Variants in AUTS2 observed in about 807,000 individuals in gnomAD.
The protein encoded by AUTS2 is autism susceptibility gene 2 protein.
AUTS2 carries 17 observed loss-of-function variants against 112.4 expected under a neutral mutation model. That is an observed-to-expected ratio of 0.15 (90% CI 0.10 to 0.23). The LOEUF (loss-of-function observed/expected upper bound fraction) is 0.23. Ranked by LOEUF, AUTS2 falls within the 10% of genes least tolerant of loss-of-function variation. The probability of loss-of-function intolerance (pLI) is 1.00; values close to 1 mark genes in which losing one functional copy is unlikely to be tolerated. For synonymous variants in AUTS2, 751 were observed against 702.7 expected, an observed-to-expected ratio of 1.07 and a Z score of -1.09; for missense variants, 1,510 against 1,701.6, an observed-to-expected ratio of 0.89 and a Z score of 1.98.
intron 4 of AUTS2, among the ~76,000 whole-genome samples, chr7:70,192,660 T>C (rs905178924): frequency 1.3e-5 from 2 of 152,210 alleles, no homozygotes; most frequent in Admixed American, 6.5e-5. Context: ...TTAGCCTGTG[T>C]AAACTCTCAC....
chr7:69,959,890 A>G (rs550459702), intron 2 of AUTS2, among the ~76,000 whole-genome samples: 181 of 152,120 alleles, frequency 1.2e-3, no homozygotes, highest in Non-Finnish European at 1.9e-3. Context: ...TAACTGAGCT[A>G]GAGAATATAT....
intron 6 of AUTS2, among the ~76,000 whole-genome samples, chr7:70,713,410 G>C (rs1207413213): frequency 6.6e-6 from 1 of 152,124 alleles, no homozygotes; most frequent in African/African-American, 2.4e-5. Flanking sequence ...GAGTTTTAAG[G>C]CCATAAAATT....
chr7:70,160,365 C>G (rs1359412364), intron 4 of AUTS2, among the ~76,000 whole-genome samples: 3 of 152,164 alleles, frequency 2.0e-5, no homozygotes, highest in African/African-American at 7.2e-5. Flanking sequence ...CAACGTAAAT[C>G]TTTCTGCTCA....
At chr7:70,156,776 G>A (rs1014101632) in intron 4 of AUTS2, among the ~76,000 whole-genome samples, 1 of 151,368 alleles carries the variant, frequency 6.6e-6, no homozygotes, top group Non-Finnish European at 1.5e-5. Context: ...AAGGCCTGGC[G>A]TGGTGGCTCA....
chr7:70,774,778 A>G (rs1027864166), intron 12 of AUTS2: 2 of 152,790 alleles, frequency 1.3e-5, no homozygotes, highest in Admixed American at 1.3e-4. Flanking sequence ...TTTTACCTAC[A>G]TAAGGGCAGT....
intron 1 of AUTS2, among the ~76,000 whole-genome samples, chr7:69,645,782 A>T (rs1319845110): frequency 6.6e-6 from 1 of 151,798 alleles, no homozygotes; most frequent in East Asian, 1.9e-4. Context: ...AGAGACTTCC[A>T]GTCTGGGGCT....
chr7:70,451,577 T>A (rs1232685142), intron 5 of AUTS2, among the ~76,000 whole-genome samples: 1 of 152,166 alleles, frequency 6.6e-6, no homozygotes, highest in Non-Finnish European at 1.5e-5. Flanking sequence ...ACCTATGTAG[T>A]TTTTTTATGC....
chr7:70,617,435 G>T (rs1184064539), intron 5 of AUTS2, among the ~76,000 whole-genome samples: 1 of 152,130 alleles, frequency 6.6e-6, no homozygotes, highest in Non-Finnish European at 1.5e-5. Flanking sequence ...GGCCGAGGTG[G>T]GCGGATCATG....
chr7:69,659,372 T>G (rs1179301781), intron 1 of AUTS2, among the ~76,000 whole-genome samples: 1 of 152,082 alleles, frequency 6.6e-6, no homozygotes, highest in Non-Finnish European at 1.5e-5. Flanking sequence ...GTGGAATCTT[T>G]TAGGAGAGTG....
At chr7:70,086,152 G>A (rs548899934) in intron 2 of AUTS2, among the ~76,000 whole-genome samples, 4 of 152,048 alleles carry the variant, frequency 2.6e-5, no homozygotes, top group Non-Finnish European at 5.9e-5. Context: ...TTGGCCCTTT[G>A]CATTTGTGTA....
At chr7:70,685,835 C>T (rs1808449191) in intron 5 of AUTS2, among the ~76,000 whole-genome samples, 1 of 152,234 alleles carries the variant, frequency 6.6e-6, no homozygotes, top group Non-Finnish European at 1.5e-5. Context: ...TTGTTTCTAA[C>T]ATTGCCACTT....
chr7:69,690,843 A>G (rs1319699357), intron 1 of AUTS2, among the ~76,000 whole-genome samples: 1 of 152,166 alleles, frequency 6.6e-6, no homozygotes, highest in Non-Finnish European at 1.5e-5. Flanking sequence ...TTTGTCCTGC[A>G]TCCAGGAAGA....
chr7:70,756,160 A>G (rs1035052036), intron 6 of AUTS2, among the ~76,000 whole-genome samples: 3 of 152,204 alleles, frequency 2.0e-5, no homozygotes, highest in Non-Finnish European at 2.9e-5. Context: ...CACTATTGAG[A>G]TCACACTGAT....
chr7:70,303,156 C>T (rs1789301482), intron 4 of AUTS2, among the ~76,000 whole-genome samples: 1 of 152,020 alleles, frequency 6.6e-6, no homozygotes, highest in Admixed American at 6.6e-5. Flanking sequence ...GACCCTGTAA[C>T]ACTTGTGCCT....
chr7:69,757,584 T>C (rs75350303), intron 1 of AUTS2, among the ~76,000 whole-genome samples: 1 of 152,338 alleles, frequency 6.6e-6, no homozygotes, highest in African/African-American at 2.4e-5. Flanking sequence ...TTTGCTATGA[T>C]GTTGACACAG....
intron 1 of AUTS2, among the ~76,000 whole-genome samples, chr7:69,858,168 G>A (rs1016329029): frequency 3.2e-4 from 49 of 152,202 alleles, no homozygotes; most frequent in African/African-American, 1.1e-3. Context: ...GACCACTTCT[G>A]GGGAAATAGC....
At chr7:69,648,638 T>C (rs1270012570) in intron 1 of AUTS2, among the ~76,000 whole-genome samples, 2 of 152,098 alleles carry the variant, frequency 1.3e-5, no homozygotes, top group African/African-American at 4.8e-5. Flanking sequence ...TCTTGAGAAA[T>C]CTCACCTGTA....
chr7:70,180,547 G>C (rs1212970417), intron 4 of AUTS2, among the ~76,000 whole-genome samples: 1 of 152,100 alleles, frequency 6.6e-6, no homozygotes, highest in Non-Finnish European at 1.5e-5. Flanking sequence ...GGTCTACCTG[G>C]CCTTCTCACT....
At chr7:70,081,538 G>C (rs993207643) in intron 2 of AUTS2, among the ~76,000 whole-genome samples, 1 of 151,996 alleles carries the variant, frequency 6.6e-6, no homozygotes, top group African/African-American at 2.4e-5. Flanking sequence ...TCCAGTCTGG[G>C]CAACAGAGCA....
Sources: allele counts gnomAD v4.1 joint callset (sites outside exome capture counted in the v4.1 genomes callset), GRCh38; gene constraint gnomAD v4.1.1; transcripts MANE v1.5; gene names NCBI Gene and HGNC (gene_info 2026-07-23, HGNC 2026-07-21).